Variants in SPATA17 observed in about 807,000 individuals in gnomAD.
SPATA17 encodes the protein spermatogenesis associated 17.
In SPATA17, 53 loss-of-function variants were observed where a neutral mutation model predicts 62.2. That is an observed-to-expected ratio of 0.85 (90% CI 0.68 to 1.07). The LOEUF (loss-of-function observed/expected upper bound fraction) is 1.07, where lower values mean the gene tolerates loss of function less well. SPATA17 is among the 50% of genes least tolerant of loss of function. SPATA17 has a pLI of 0.00. For synonymous variants in SPATA17, 146 were observed against 146.8 expected (o/e 0.99, Z 0.04); for missense variants, 466 against 425.5 (o/e 1.10, Z -0.84).
chr1:217,806,158 G>A (rs1250061588), intron 9 of SPATA17, among the ~76,000 whole-genome samples: 1 of 152,212 alleles, frequency 6.6e-6, no homozygotes, highest in Non-Finnish European at 1.5e-5. Context: ...AACCTAACAA[G>A]GCAAATTCTA....
chr1:217,773,777 G>C (rs1214134567), intron 6 of SPATA17, among the ~76,000 whole-genome samples: 4 of 151,998 alleles, frequency 2.6e-5, no homozygotes, highest in Non-Finnish European at 4.4e-5. Context: ...CTATATTATA[G>C]GTGATACCTG....
intron 9 of SPATA17, among the ~76,000 whole-genome samples, chr1:217,830,757 T>G (rs1675122485): frequency 6.6e-6 from 1 of 152,140 alleles, no homozygotes; most frequent in Non-Finnish European, 1.5e-5. Flanking sequence ...GATAACGGTG[T>G]TATTAACTCT....
chr1:217,725,985 A>T (rs887490617), intron 5 of SPATA17, among the ~76,000 whole-genome samples: 1 of 152,170 alleles, frequency 6.6e-6, no homozygotes, highest in Non-Finnish European at 1.5e-5. Context: ...TGTTAATGAT[A>T]TATTTTCTTT....
intron 7 of SPATA17, 55 bp downstream of exon 7, chr1:217,774,592 G>C: frequency 6.7e-7 from 1 of 1,498,094 alleles, no homozygotes; most frequent in East Asian, 2.4e-5. Context: ...GCTATTTTTT[G>C]CACTTTTTAT....
At chr1:217,726,000 G>C (rs1321921831) in intron 5 of SPATA17, among the ~76,000 whole-genome samples, 3 of 151,798 alleles carry the variant, frequency 2.0e-5, no homozygotes, top group Non-Finnish European at 2.9e-5. Flanking sequence ...TTCTTTCATT[G>C]TCCAAGTGAT....
At chr1:217,754,356 A>G (rs187562049) in intron 6 of SPATA17, among the ~76,000 whole-genome samples, 14 of 152,292 alleles carry the variant, frequency 9.2e-5, no homozygotes, top group Non-Finnish European at 1.8e-4. Flanking sequence ...TTTTTTAATC[A>G]CTAATTAAAT....
intron 10 of SPATA17, among the ~76,000 whole-genome samples, chr1:217,863,165 C>T (rs916676942): frequency 2.7e-5 from 4 of 147,910 alleles, no homozygotes; most frequent in African/African-American, 1.0e-4. Context: ...CTCTGTTGCC[C>T]AGGCTGGAAT....
chr1:217,786,270 A>C (rs1673858395), intron 8 of SPATA17, among the ~76,000 whole-genome samples: 1 of 152,178 alleles, frequency 6.6e-6, no homozygotes, highest in Non-Finnish European at 1.5e-5. Flanking sequence ...TGTGTGTAAG[A>C]GACAATGTAT....
intron 5 of SPATA17, among the ~76,000 whole-genome samples, chr1:217,740,801 C>A (rs1390290591): frequency 6.6e-6 from 1 of 152,092 alleles, no homozygotes; most frequent in African/African-American, 2.4e-5. Flanking sequence ...TATTAATAAG[C>A]AATTTTCAAG....
rs544714435 is a variant in SPATA17, at chr1:217,668,958, C to T, written c.241-75C>T. The T allele has an allele frequency of 4.0e-5, 51 of 1,261,160 alleles. No homozygotes were observed. In the African/African-American group the frequency reaches 6.8e-4, roughly 17 times the overall value. The allele number at this position is 1,261,160 out of a possible 1,614,324, so 78.1% of individuals were successfully genotyped here. On this transcript the variant is annotated intron_variant, in intron 3 of 10. Transcript: ENST00000366933. Reference sequence around the variant, plus strand: ...ATGTATTATGTATAAAGATTCTTATCTTTTATATGTAAAAATAGGCTGCAC... The same window carrying T: ...ATGTATTATGTATAAAGATTCTTATTTTTTATATGTAAAAATAGGCTGCAC...
chr1:217,863,119 C>CT (rs35673625), intron 10 of SPATA17, among the ~76,000 whole-genome samples: 25,496 of 111,836 alleles, frequency 0.23, 4,010 homozygotes, highest in Non-Finnish European at 0.32. Context: ...AATACTCTTT[C>CT]TTTTTTTTTT....
At chr1:217,672,520 AC>A (rs2102899002) in intron 4 of SPATA17, among the ~76,000 whole-genome samples, 1 of 152,310 alleles carries the variant, frequency 6.6e-6, no homozygotes, top group Non-Finnish European at 1.5e-5. Context: ...TACCATGACA[AC>A]TAAAATGTAT....
chr1:217,731,819 T>G (rs1672407798), intron 5 of SPATA17, among the ~76,000 whole-genome samples: 1 of 152,182 alleles, frequency 6.6e-6, no homozygotes, highest in South Asian at 2.1e-4. Context: ...ACATGTATTT[T>G]AGATATAATA....
chr1:217,663,401 C>T (rs1483225177), intron 3 of SPATA17, among the ~76,000 whole-genome samples: 3 of 151,328 alleles, frequency 2.0e-5, no homozygotes, highest in South Asian at 2.1e-4. Flanking sequence ...GCCAAGATCC[C>T]GCCATTGCAC....
intron 6 of SPATA17, among the ~76,000 whole-genome samples, chr1:217,764,222 C>T (rs145043186): frequency 3.5e-4 from 54 of 152,256 alleles, no homozygotes; most frequent in African/African-American, 1.3e-3. Flanking sequence ...CCCTAAAAAT[C>T]TCCTGTGCTC....
chr1:217,845,871 A>G (rs1031954613), intron 9 of SPATA17, among the ~76,000 whole-genome samples: 2 of 152,074 alleles, frequency 1.3e-5, no homozygotes, highest in African/African-American at 4.8e-5. Flanking sequence ...CATTAGTAGT[A>G]GTTGTTTACA....
chr1:217,842,373 G>A (rs896569250), intron 9 of SPATA17, among the ~76,000 whole-genome samples: 3 of 151,980 alleles, frequency 2.0e-5, no homozygotes, highest in Non-Finnish European at 4.4e-5. Flanking sequence ...AAGAGTTTGT[G>A]TGACATTGTT....
rs149236116 is a variant in SPATA17, at chr1:217,784,753, C to G, written c.872+2431C>G. On this transcript the variant is annotated intron_variant, in intron 8 of 10. Transcript: ENST00000366933. ...AAAAAGTTGTAAGAAATCAGAGATT[C>G]CAAAGATGGGCTGGATTTTATCCCC... Among the ~76,000 whole-genome samples, 15 of 152,210 alleles carry G rather than the reference C, an allele frequency of 9.9e-5. No homozygotes were observed. In the East Asian group the frequency reaches 2.9e-3, roughly 29 times the overall value.
chr1:217,852,644 T>G (rs1318927035), intron 9 of SPATA17, among the ~76,000 whole-genome samples: 2 of 152,174 alleles, frequency 1.3e-5, no homozygotes, highest in Non-Finnish European at 2.9e-5. Context: ...AAATCCCAAA[T>G]GCATTAACAG....
Sources: gnomAD v4.1 joint callset for allele counts (sites outside exome capture counted in the v4.1 genomes callset) on GRCh38, gnomAD v4.1.1 for gene constraint, MANE v1.5 for transcripts, NCBI Gene and HGNC (gene_info 2026-07-23, HGNC 2026-07-21) for gene names.